Variants in STAG1 observed in about 807,000 individuals in gnomAD.
STAG1 encodes cohesin subunit SA-1.
In STAG1, 26 loss-of-function variants were observed where a neutral mutation model predicts 170.9. That is an observed-to-expected ratio of 0.15 (90% CI 0.11 to 0.21). The LOEUF (loss-of-function observed/expected upper bound fraction) is 0.21, where lower values mean the gene tolerates loss of function less well. STAG1 is among the 10% of genes least tolerant of loss of function. The pLI is 1.00. For missense variants in STAG1, 964 were observed against 1,509.5 expected (o/e 0.64, Z 5.99); for synonymous variants, 514 against 497.7 (o/e 1.03, Z -0.44).
Position 136,659,497 on chromosome 3 carries a change from G to A in STAG1, c.-83-28516C>T, listed in dbSNP as rs550637649. Among the ~76,000 whole-genome samples the A allele has an allele frequency of 3.3e-5, 5 of 152,236 alleles. No individual in the cohort carries two copies. The East Asian group carries it at 7.7e-4, about 23-fold the overall frequency. ...TAGCAACAGCTGCTTTCTGAAATAC[G>A]TGTTATGCATTTTAAAAGCTTTCAC... On this transcript the variant is annotated intron_variant, in intron 1 of 33. Coordinates refer to ENST00000383202, the MANE Select transcript of STAG1 (RefSeq NM_005862.3).
At chr3:136,723,915 G>A (rs867121709) in intron 1 of STAG1, among the ~76,000 whole-genome samples, 20 of 148,168 alleles carry the variant, frequency 1.3e-4, no homozygotes, top group South Asian at 6.4e-4. Context: ...CAGTCGCCCC[G>A]TCTGGGAGTG....
At chr3:136,519,412 T>C (rs184997304) in intron 7 of STAG1, among the ~76,000 whole-genome samples, 19 of 152,250 alleles carry the variant, frequency 1.2e-4, no homozygotes, top group Admixed American at 1.0e-3. Context: ...AATTAACTTA[T>C]TGCTTCTCCT....
At chr3:136,553,673 C>T (rs1936496634) in intron 5 of STAG1, among the ~76,000 whole-genome samples, 1 of 152,220 alleles carries the variant, frequency 6.6e-6, no homozygotes, top group African/African-American at 2.4e-5. Context: ...ACTCAGGAGG[C>T]TGAGGCAGGG....
In STAG1 at chr3:136,464,872, T is replaced by G; in HGVS notation, c.1313+9A>C. 6.2e-7 allele frequency: 1 copy of G among 1,604,918 alleles called. No homozygotes were observed. On this transcript the variant is annotated intron_variant, in intron 13 of 33. Transcript: ENST00000383202. ...AAGTAGAACCGGTTTTCAAAGATAA[T>G]TAGCTCACTTTTTGTGAAGGAACTC...
chr3:136,656,794 T>C (rs1941392547), intron 1 of STAG1, among the ~76,000 whole-genome samples: 1 of 152,102 alleles, frequency 6.6e-6, no homozygotes, highest in Admixed American at 6.6e-5. Context: ...CCTGAGGTCC[T>C]ACAAGTAAAT....
At chr3:136,739,944 T>C (rs749010906) in intron 1 of STAG1, among the ~76,000 whole-genome samples, 3 of 152,160 alleles carry the variant, frequency 2.0e-5, no homozygotes, top group Non-Finnish European at 4.4e-5. Flanking sequence ...CAACAATAAA[T>C]GCAACGGGAT....
intron 22 of STAG1, among the ~76,000 whole-genome samples, chr3:136,378,707 G>A (rs1937755656): frequency 6.6e-6 from 1 of 152,076 alleles, no homozygotes; most frequent in Non-Finnish European, 1.5e-5. Flanking sequence ...AACCCACCAG[G>A]CACTGGTTTA....
At chr3:136,721,204 G>A (rs1311693503) in intron 1 of STAG1, among the ~76,000 whole-genome samples, 1 of 152,092 alleles carries the variant, frequency 6.6e-6, no homozygotes, top group Non-Finnish European at 1.5e-5. Context: ...TAAGCTTACA[G>A]ACAAGAGATC....
chr3:136,486,936 G>A (rs913379713), intron 9 of STAG1, among the ~76,000 whole-genome samples: 1 of 128,626 alleles, frequency 7.8e-6, no homozygotes, highest in African/African-American at 3.1e-5. Flanking sequence ...CTAGACTACT[G>A]AACAGCTTAT....
At chr3:136,702,075 A>AAGAGAGAGAGAGAGAGAG (rs745623191) in intron 1 of STAG1, among the ~76,000 whole-genome samples, 13 of 92,204 alleles carry the variant, frequency 1.4e-4, no homozygotes, top group South Asian at 4.5e-4. Context: ...ACCATGCCGA[A>AAGAGAGAGAGAGAGAGAG]AGAGAGAGAG....
intron 5 of STAG1, among the ~76,000 whole-genome samples, chr3:136,567,222 T>C (rs533833292): frequency 2.0e-5 from 3 of 152,244 alleles, no homozygotes; most frequent in Admixed American, 6.5e-5. Flanking sequence ...AACAGGTCTG[T>C]TGATTAATAG....
chr3:136,641,124 C>A (rs1940782824), intron 1 of STAG1, among the ~76,000 whole-genome samples: 1 of 152,080 alleles, frequency 6.6e-6, no homozygotes, highest in South Asian at 2.1e-4. Context: ...AGAGTTTTTA[C>A]AGATACAAAG....
intron 7 of STAG1, among the ~76,000 whole-genome samples, chr3:136,516,945 C>T (rs998652030): frequency 6.6e-6 from 1 of 152,166 alleles, no homozygotes; most frequent in African/African-American, 2.4e-5. Context: ...ATGATTTCAG[C>T]AACTGAAGGC....
chr3:136,343,573 A>G (rs1416032993), intron 30 of STAG1, among the ~76,000 whole-genome samples: 1 of 152,234 alleles, frequency 6.6e-6, no homozygotes, highest in Admixed American at 6.5e-5. Flanking sequence ...GACCTGCCCA[A>G]TGAAAATGCA....
At chr3:136,659,016 C>T (rs1941485235) in intron 1 of STAG1, among the ~76,000 whole-genome samples, 1 of 152,082 alleles carries the variant, frequency 6.6e-6, no homozygotes, top group East Asian at 1.9e-4. Context: ...TTCATGTAAC[C>T]AGAGTAAAAT....
At chr3:136,668,279 A>G (rs1473461539) in intron 1 of STAG1, among the ~76,000 whole-genome samples, 1 of 146,876 alleles carries the variant, frequency 6.8e-6, no homozygotes, top group African/African-American at 2.5e-5. Flanking sequence ...CATAATATAT[A>G]TTATACATGA....
At chr3:136,464,026 CTCAT>C (rs1443095398) in intron 13 of STAG1, among the ~76,000 whole-genome samples, 2 of 151,154 alleles carry the variant, frequency 1.3e-5, no homozygotes, top group Non-Finnish European at 2.9e-5. Context: ...TGCATACACT[CTCAT>C]TAACGTTATG....
intron 21 of STAG1, among the ~76,000 whole-genome samples, chr3:136,403,122 G>C (rs2087377992): frequency 6.7e-6 from 1 of 148,918 alleles, no homozygotes; most frequent in South Asian, 2.1e-4. Flanking sequence ...TGGTTACTAA[G>C]GAGGCTGAGG....
At chr3:136,686,925 G>C (rs1942549838) in intron 1 of STAG1, among the ~76,000 whole-genome samples, 1 of 152,172 alleles carries the variant, frequency 6.6e-6, no homozygotes. Context: ...TGTGGAGTCA[G>C]CTACAGACCC....
Sources: gnomAD v4.1 joint callset for allele counts (sites outside exome capture counted in the v4.1 genomes callset) on GRCh38, gnomAD v4.1.1 for gene constraint, MANE v1.5 for transcripts, NCBI Gene and HGNC (gene_info 2026-07-23, HGNC 2026-07-21) for gene names.